Variants in KALRN observed in about 807,000 individuals in gnomAD.
KALRN encodes kalirin.
Under a neutral mutation model 353.7 loss-of-function variants are expected in KALRN, and 70 were observed. The ratio of observed to expected loss-of-function variants is 0.20; its 90% confidence interval spans 0.16 to 0.24. KALRN has a LOEUF of 0.24. Ranked by LOEUF, KALRN falls within the 10% of genes least tolerant of loss-of-function variation. KALRN has a pLI of 1.00. For missense variants in KALRN, 2,791 were observed against 3,756.7 expected, an observed-to-expected ratio of 0.74 and a Z score of 6.72; for synonymous variants, 1,391 against 1,434.8, an observed-to-expected ratio of 0.97 and a Z score of 0.69.
At chr3:124,672,349 G>A (rs1341915967) in intron 48 of KALRN, among the ~76,000 whole-genome samples, 1 of 152,204 alleles carries the variant, frequency 6.6e-6, no homozygotes, top group African/African-American at 2.4e-5. Context: ...TAAACTGAGT[G>A]AGTTATACCA....
chr3:124,656,348 T>C (rs905309615), intron 39 of KALRN, among the ~76,000 whole-genome samples: 9 of 152,102 alleles, frequency 5.9e-5, no homozygotes, highest in Non-Finnish European at 2.9e-5. Flanking sequence ...CGGTGGCTCA[T>C]GCCTGTAATC....
chr3:124,563,520 G>T (rs943541212), intron 34 of KALRN, among the ~76,000 whole-genome samples: 1 of 152,152 alleles, frequency 6.6e-6, no homozygotes, highest in African/African-American at 2.4e-5. Context: ...TGCTGACCTG[G>T]AGACACCAGG....
chr3:124,620,680 G>A (rs6771416), intron 34 of KALRN, among the ~76,000 whole-genome samples: 65,862 of 151,986 alleles, frequency 0.43, 14,541 homozygotes, highest in Middle Eastern at 0.55. Flanking sequence ...GAGACAGCTA[G>A]ATGGGGCAGT....
chr3:124,219,508 T>C (rs2077668416), intron 1 of KALRN, among the ~76,000 whole-genome samples: 1 of 152,244 alleles, frequency 6.6e-6, no homozygotes, highest in South Asian at 2.1e-4. Context: ...CTGGTTGTTG[T>C]CTCAGGTTAC....
At chr3:124,155,284 T>C (rs1344723170) in intron 1 of KALRN, among the ~76,000 whole-genome samples, 2 of 152,026 alleles carry the variant, frequency 1.3e-5, no homozygotes, top group African/African-American at 2.4e-5. Flanking sequence ...AAAAAAGAGA[T>C]TTTTTTTCTC....
At chr3:124,604,470 T>A (rs2077120771) in intron 34 of KALRN, among the ~76,000 whole-genome samples, 1 of 152,090 alleles carries the variant, frequency 6.6e-6, no homozygotes, top group South Asian at 2.1e-4. Flanking sequence ...AAAGTTAAGG[T>A]GCTTAATGGT....
intron 1 of KALRN, among the ~76,000 whole-genome samples, chr3:124,173,238 A>G (rs535633372): frequency 6.6e-6 from 1 of 152,324 alleles, no homozygotes; most frequent in East Asian, 1.9e-4. Flanking sequence ...ATTTTTCAAA[A>G]TTTGATGAAC....
At chr3:124,096,607 A>G (rs1287884760) in intron 1 of KALRN, 1 of 152,240 alleles carries the variant, frequency 6.6e-6, no homozygotes, top group African/African-American at 2.4e-5. Context: ...GCTTGAATCC[A>G]TGAGTCACAA....
intron 1 of KALRN, among the ~76,000 whole-genome samples, chr3:124,098,046 G>A (rs1350580649): frequency 6.6e-6 from 1 of 152,172 alleles, no homozygotes; most frequent in Non-Finnish European, 1.5e-5. Flanking sequence ...TTGAGTTTTG[G>A]TGTATTCATG....
At chr3:124,467,055 C>T (rs1374646309) in intron 25 of KALRN, among the ~76,000 whole-genome samples, 1 of 152,232 alleles carries the variant, frequency 6.6e-6, no homozygotes, top group Non-Finnish European at 1.5e-5. Flanking sequence ...CACTCCCTCC[C>T]TCCAGGCTTG....
intron 5 of KALRN, among the ~76,000 whole-genome samples, chr3:124,272,263 A>G (rs1490478683): frequency 6.6e-6 from 1 of 152,270 alleles, no homozygotes; most frequent in Non-Finnish European, 1.5e-5. Flanking sequence ...AATAACTACC[A>G]TAATCCTGAA....
At chr3:124,664,428 T>C (rs76437564) in intron 45 of KALRN, among the ~76,000 whole-genome samples, 3 of 151,390 alleles carry the variant, frequency 2.0e-5, no homozygotes, top group Non-Finnish European at 4.4e-5. Context: ...TTTTTTTTTT[T>C]GAGATGGAGT....
At chr3:124,159,826 C>T (rs6786840) in intron 1 of KALRN, among the ~76,000 whole-genome samples, 42,601 of 151,550 alleles carry the variant, frequency 0.28, 6,470 homozygotes, top group East Asian at 0.47. Context: ...CTTCTTAATC[C>T]GGTGTTCATA....
chr3:124,656,033 T>G (rs968011159), intron 39 of KALRN, among the ~76,000 whole-genome samples: 2 of 152,200 alleles, frequency 1.3e-5, no homozygotes, highest in African/African-American at 4.8e-5. Context: ...CATAAAACAG[T>G]TCATTCTTAG....
At chr3:124,124,229 T>G (rs781561571) in intron 1 of KALRN, among the ~76,000 whole-genome samples, 4 of 152,202 alleles carry the variant, frequency 2.6e-5, no homozygotes, top group Non-Finnish European at 5.9e-5. Flanking sequence ...AAGAAGTTGA[T>G]TCCAGCCCTC....
intron 6 of KALRN, among the ~76,000 whole-genome samples, chr3:124,317,465 A>G (rs966911267): frequency 6.6e-6 from 1 of 152,204 alleles, no homozygotes; most frequent in Non-Finnish European, 1.5e-5. Flanking sequence ...GCATGATGTT[A>G]TGTTTGCAAA....
At chr3:124,061,817 C>G (rs1397004800) in intron 1 of KALRN, among the ~76,000 whole-genome samples, 1 of 152,204 alleles carries the variant, frequency 6.6e-6, no homozygotes, top group Non-Finnish European at 1.5e-5. Flanking sequence ...AGGGGCAGCA[C>G]TGTAGCGAGT....
At chr3:124,250,430 G>C (rs968253523) in intron 3 of KALRN, among the ~76,000 whole-genome samples, 1 of 152,104 alleles carries the variant, frequency 6.6e-6, no homozygotes, top group Non-Finnish European at 1.5e-5. Context: ...TGGACAGGTC[G>C]GGTGCAGCAC....
At position 124,638,068 on chromosome 3, in the gene KALRN, T is replaced by C. The variant is rs185820440; in HGVS notation, c.5664+765T>C. Among the ~76,000 whole-genome samples the C allele has an allele frequency of 1.9e-3, 288 of 152,354 alleles. 1 individual carries two copies. Among genetic ancestry groups the C allele is most frequent in the African/African-American group, 6.6e-3 (273 of 41,584 alleles). Reference sequence around the variant, plus strand: ...GATGACAATTGGAAGCATTTTCCTTTCTTTCACTCTCATCCATATCACCCA... The same window carrying C: ...GATGACAATTGGAAGCATTTTCCTTCCTTTCACTCTCATCCATATCACCCA... On this transcript the variant is annotated intron_variant, in intron 37 of 59. Coordinates refer to ENST00000682506, the MANE Select transcript of KALRN (RefSeq NM_001388419.1).
Sources: allele counts gnomAD v4.1 joint callset (sites outside exome capture counted in the v4.1 genomes callset), GRCh38; gene constraint gnomAD v4.1.1; transcripts MANE v1.5; gene names NCBI Gene and HGNC (gene_info 2026-07-23, HGNC 2026-07-21).